NUTM2G: variants seen among roughly 807,000 people sequenced by gnomAD.
NUTM2G encodes NUT family member 2G, also known as family with sequence similarity 22, member G.
A neutral mutation model predicts 44.3 loss-of-function variants in NUTM2G; 29 were observed. The observed-to-expected ratio is 0.66, with a 90% CI of 0.49 to 0.89. The LOEUF (loss-of-function observed/expected upper bound fraction) is 0.89, where lower values mean the gene tolerates loss of function less well. NUTM2G is among the 40% of genes least tolerant of loss of function. NUTM2G has a pLI of 0.00. For synonymous variants in NUTM2G, 205 were observed against 395.9 expected (o/e 0.52, Z 5.72); for missense variants, 502 against 946.5 (o/e 0.53, Z 6.16).
chr9:96,934,164 T>C (rs1826356955), intron 2 of NUTM2G, among the ~76,000 whole-genome samples: 1 of 152,062 alleles, frequency 6.6e-6, no homozygotes, highest in South Asian at 2.1e-4. Context: ...TGGACTGTGG[T>C]GACTGTGAGG....
At chr9:96,929,668 TGG>T (rs955398415) in intron 1 of NUTM2G, among the ~76,000 whole-genome samples, 19 of 150,088 alleles carry the variant, frequency 1.3e-4, no homozygotes, top group Non-Finnish European at 2.4e-4. Flanking sequence ...TTAACAGGGG[TGG>T]GGGCAGAATG....
rs1826497949 is a variant in NUTM2G, at chr9:96,938,007, G to C, written c.1440+6G>C. 1.9e-6 allele frequency: 3 copies of C among 1,612,410 alleles called. No homozygotes were observed. Among genetic ancestry groups the C allele is most frequent in the Non-Finnish European group, 8.5e-7 (1 of 1,179,848 alleles). On this transcript the variant is annotated splice_donor_region_variant and intron_variant, in intron 6 of 6. Coordinates refer to ENST00000372322, the MANE Select transcript of NUTM2G (RefSeq NM_001170741.3). ...AAGGACTCACCCTTGCCCAGGTAGA[G>C]CAGCAGAGGGAGGGGAACCCAGGTA...
At chr9:96,930,872 GTTTTTTTTTTTTTTT>G (rs1168888338) in intron 1 of NUTM2G, among the ~76,000 whole-genome samples, 24 of 72,700 alleles carry the variant, frequency 3.3e-4, no homozygotes, top group Non-Finnish European at 4.0e-4. Flanking sequence ...CCATCCAGTG[GTTTTTTTTTTTTTTT>G]TTTTTTTTTT....
Position 96,939,148 on chromosome 9 carries a change from AG to A in NUTM2G, c.*3del. Reference sequence around the variant, plus strand: ...AAGAAGAAGCGGCATTGTAGCCAGTAGGGGCCGCCATGGGGCAGACTCTCTG... The same window carrying A: ...AAGAAGAAGCGGCATTGTAGCCAGTAGGGCCGCCATGGGGCAGACTCTCTG... ...RRKKKRHCSQ[*>X] On this transcript the variant is annotated frameshift_variant and stop_lost, in exon 7 of 7. Coordinates refer to ENST00000372322, the MANE Select transcript of NUTM2G (RefSeq NM_001170741.3). LOFTEE classifies it high-confidence loss of function. 1 of 727,368 alleles carries A rather than the reference AG, an allele frequency of 1.4e-6. No homozygotes were observed. The highest frequency in any genetic ancestry group is 2.0e-6 in the Non-Finnish European group (1 of 496,924). The allele number at this position is 727,368 out of a possible 1,614,324, so 45.1% of individuals were successfully genotyped here.
intron 4 of NUTM2G, 96 bp downstream of exon 4, chr9:96,936,660 G>A (rs1022162985): frequency 1.3e-5 from 19 of 1,486,118 alleles, no homozygotes; most frequent in Non-Finnish European, 1.5e-5. Flanking sequence ...TTCAAGAGGG[G>A]GATTTGCTCC....
intron 2 of NUTM2G, among the ~76,000 whole-genome samples, chr9:96,934,132 C>G (rs888229473): frequency 1.3e-5 from 2 of 152,070 alleles, no homozygotes; most frequent in Non-Finnish European, 2.9e-5. Context: ...GAGTGCACCA[C>G]GAGCCCAGCA....
chr9:96,932,018 G>T lies in NUTM2G; in HGVS notation c.313G>T (p.Ala105Ser), dbSNP rs1404061884. Residue 105 changes from alanine to serine, a missense_variant, in exon 2 of 7, where the codon GCC (alanine) becomes TCC (serine). Transcript: ENST00000372322. ...GGCACAGACCTTGATCCTAACTCAGGCCCCCCTCGTCTGGCAGGCTCCAGG... is the reference window on the plus strand; with the variant it reads ...GGCACAGACCTTGATCCTAACTCAGTCCCCCCTCGTCTGGCAGGCTCCAGG... The part of the protein sequence containing the change: ...PQAQTLILTQ[A>S]PLVWQAPGTL... The T allele has an allele frequency of 6.2e-7, 1 of 1,610,078 alleles. No homozygotes were observed. The highest frequency in any genetic ancestry group is 2.2e-5 in the East Asian group (1 of 44,768).
chr9:96,937,097 C>T lies in NUTM2G; in HGVS notation c.1016C>T (p.Pro339Leu), dbSNP rs777810092. The T allele has an allele frequency of 3.4e-5, 55 of 1,610,444 alleles. No individual in the cohort carries two copies. Among genetic ancestry groups the T allele is most frequent in the Non-Finnish European group, 4.2e-5 (50 of 1,179,314 alleles). ...YLPSKDGPKAPTACLPPPRPQ... is the reference protein window; with the variant it reads ...YLPSKDGPKALTACLPPPRPQ... Reference sequence around the variant, plus strand: ...CCCAGCAAGGATGGCCCCAAGGCCCCGACTGCCTGCCTGCCACCACCCAGG... The same window carrying T: ...CCCAGCAAGGATGGCCCCAAGGCCCTGACTGCCTGCCTGCCACCACCCAGG... The change falls in exon 5 of 7, where the codon CCG (proline) becomes CTG (leucine). Residue 339 changes from proline (P) to leucine (L), a missense_variant. Coordinates refer to ENST00000372322, the MANE Select transcript of NUTM2G (RefSeq NM_001170741.3).
At position 96,930,041 on chromosome 9, in the gene NUTM2G, C is replaced by T. The variant is rs1475212280; in HGVS notation, c.16+1001C>T. ...GGTGCATGCGCTGTATCCCTTATTC[C>T]CCTTGGCTAGAGACTGCATGAGGTC... On this transcript the variant is annotated intron_variant, in intron 1 of 6. Coordinates refer to ENST00000372322, the MANE Select transcript of NUTM2G (RefSeq NM_001170741.3). Among the ~76,000 whole-genome samples the T allele has an allele frequency of 2.0e-5, 3 of 152,244 alleles. No individual in the cohort carries two copies. In the East Asian group the frequency reaches 5.8e-4, roughly 29 times the overall value.
At chr9:96,937,644 T>C (rs1826481523) in intron 5 of NUTM2G, among the ~76,000 whole-genome samples, 2 of 152,090 alleles carry the variant, frequency 1.3e-5, no homozygotes, top group Admixed American at 6.6e-5. Flanking sequence ...ATGTTACCTG[T>C]GTCTGTCTTT....
At chr9:96,938,129 T>C (rs957966131) in intron 6 of NUTM2G, 128 bp downstream of exon 6, 121 of 821,006 alleles carry the variant, frequency 1.5e-4, no homozygotes, top group Non-Finnish European at 2.2e-4. Flanking sequence ...CACTCCGGGG[T>C]GGGAAGATGC....
intron 1 of NUTM2G, among the ~76,000 whole-genome samples, chr9:96,929,840 G>A (rs1329610438): frequency 3.9e-5 from 6 of 151,902 alleles, no homozygotes. Context: ...ATTTGCTCCT[G>A]TTCCATTTAT....
At chr9:96,938,054 G>A (rs556174108) in intron 6 of NUTM2G, 53 bp downstream of exon 6, 99 of 1,609,612 alleles carry the variant, frequency 6.2e-5, no homozygotes, top group East Asian at 2.7e-4. Flanking sequence ...GGAGGGACCC[G>A]GCACACAAGG....
chr9:96,939,041 T>C lies in NUTM2G; in HGVS notation c.2118T>C (p.Ser706=). ...ACCCAGGGCCTGGGCTCAGGGTCTC[T>C]GGGGAGCAATCCCTGGCTTGGGGGC... The part of the protein sequence containing the change: ...TPHPGPGLRV[S]GEQSLAWGLG... The change falls in exon 7 of 7, where the codon TCT becomes TCC. Residue 706 remains serine, a synonymous_variant. Transcript: ENST00000372322. 1 of 1,404,782 alleles carries C rather than the reference T, an allele frequency of 7.1e-7. No individual in the cohort carries two copies. The highest frequency in any genetic ancestry group is 9.4e-7 in the Non-Finnish European group (1 of 1,066,690). 87.0% of individuals were successfully genotyped at this position (1,404,782 alleles called of 1,614,324 possible). A position where few individuals can be genotyped will look rare whatever the true frequency, so the allele number is the denominator to read the frequency against.
At chr9:96,934,151 C>G (rs898001256) in intron 2 of NUTM2G, among the ~76,000 whole-genome samples, 1 of 152,060 alleles carries the variant, frequency 6.6e-6, no homozygotes, top group East Asian at 1.9e-4. Context: ...CAGCCCAGAG[C>G]CGTGGACTGT....
chr9:96,940,951 T>TG (rs1326612473), downstream of NUTM2G, among the ~76,000 whole-genome samples: 7 of 151,706 alleles, frequency 4.6e-5, no homozygotes, highest in African/African-American at 1.7e-4. Flanking sequence ...AACAGGCCCT[T>TG]GGGGAAAATG....
At chr9:96,929,154 G>C in intron 1 of NUTM2G, 114 bp downstream of exon 1, 1 of 1,562,966 alleles carries the variant, frequency 6.4e-7, no homozygotes, top group Non-Finnish European at 8.8e-7. Context: ...AGGGAGCACT[G>C]GATGTCCCCA....
rs1477027787 is a variant in NUTM2G at position 96,931,935 on chromosome 9, G to C, written c.230G>C (p.Gly77Ala). The C allele has an allele frequency of 6.2e-7, 1 of 1,611,998 alleles. No individual in the cohort carries two copies. Among genetic ancestry groups the C allele is most frequent in the South Asian group, 1.1e-5 (1 of 90,998 alleles). Residue 77 changes from glycine (G) to alanine (A), a missense_variant, in exon 2 of 7, where the codon GGG becomes GCG. Transcript: ENST00000372322. The part of the protein sequence containing the change: ...GQDGRGPSGA[G>A]ASNVFVQMRT... ...GATGGCCGCGGCCCAAGTGGGGCTG[G>C]GGCTTCCAACGTCTTTGTCCAGATG...
intron 1 of NUTM2G, 72 bp downstream of exon 1, chr9:96,929,112 G>C: frequency 6.2e-7 from 1 of 1,607,656 alleles, no homozygotes; most frequent in Non-Finnish European, 8.5e-7. Flanking sequence ...AATTTGAACT[G>C]TCCCTGGGGA....
Sources: gnomAD v4.1 joint callset for allele counts (sites outside exome capture counted in the v4.1 genomes callset) on GRCh38, gnomAD v4.1.1 for gene constraint, MANE v1.5 for transcripts, NCBI Gene and HGNC (gene_info 2026-07-23, HGNC 2026-07-21) for gene names.